DDX10: variants seen among roughly 807,000 people sequenced by gnomAD.
DDX10 encodes probable ATP-dependent RNA helicase DDX10.
DDX10 carries 74 observed loss-of-function variants against 104.3 expected under a neutral mutation model. That is an observed-to-expected ratio of 0.71 (90% confidence interval 0.59 to 0.86). The LOEUF (loss-of-function observed/expected upper bound fraction) is 0.86, where lower values mean the gene tolerates loss of function less well. DDX10 is among the 40% of genes least tolerant of loss of function. The pLI is 0.00. For synonymous variants in DDX10, 351 were observed against 353.4 expected (o/e 0.99, Z 0.08); for missense variants, 952 against 1,040.0 (o/e 0.92, Z 1.16).
intron 6 of DDX10, among the ~76,000 whole-genome samples, chr11:108,681,597 GAC>G (rs1413613780): frequency 2.0e-5 from 3 of 152,092 alleles, no homozygotes; most frequent in Admixed American, 6.5e-5. Flanking sequence ...AATTGTGAAG[GAC>G]ACAACAACTA....
intron 13 of DDX10, among the ~76,000 whole-genome samples, chr11:108,726,978 A>G (rs749127071): frequency 3.3e-5 from 5 of 152,036 alleles, no homozygotes; most frequent in Non-Finnish European, 5.9e-5. Context: ...ATTATGGTGT[A>G]TTGATTTCCC....
chr11:108,873,853 C>G (rs1646525434), intron 16 of DDX10, among the ~76,000 whole-genome samples: 1 of 152,162 alleles, frequency 6.6e-6, no homozygotes, highest in South Asian at 2.1e-4. Flanking sequence ...GACTGTAAAT[C>G]ACCAATCCCA....
At chr11:108,820,133 C>T (rs1255872756) in intron 13 of DDX10, among the ~76,000 whole-genome samples, 2 of 152,168 alleles carry the variant, frequency 1.3e-5, no homozygotes, top group African/African-American at 4.8e-5. Flanking sequence ...AAAATGCAGG[C>T]AGTTCCTCAA....
At chr11:108,861,188 C>T (rs1367996435) in intron 16 of DDX10, among the ~76,000 whole-genome samples, 1 of 151,764 alleles carries the variant, frequency 6.6e-6, no homozygotes, top group African/African-American at 2.4e-5. Flanking sequence ...ACTGGCCTAG[C>T]CTCCCAGGCT....
intron 4 of DDX10, among the ~76,000 whole-genome samples, chr11:108,677,890 T>C (rs2094228122): frequency 6.6e-6 from 1 of 152,056 alleles, no homozygotes; most frequent in East Asian, 1.9e-4. Flanking sequence ...GTGGTTCTTG[T>C]ATCAAGGAGA....
chr11:108,854,228 C>T (rs1862834874), intron 16 of DDX10, among the ~76,000 whole-genome samples: 1 of 152,136 alleles, frequency 6.6e-6, no homozygotes, highest in Admixed American at 6.5e-5. Context: ...TTTGAGGTAC[C>T]TTTTGGAAGC....
intron 16 of DDX10, among the ~76,000 whole-genome samples, chr11:108,853,517 C>T (rs550855203): frequency 7.9e-5 from 12 of 151,390 alleles, no homozygotes; most frequent in African/African-American, 2.7e-4. Flanking sequence ...ATTTTTTATA[C>T]TTATTGATGG....
intron 13 of DDX10, among the ~76,000 whole-genome samples, chr11:108,738,827 C>T (rs2094321426): frequency 6.6e-6 from 1 of 152,270 alleles, no homozygotes; most frequent in Non-Finnish European, 1.5e-5. Flanking sequence ...TGCTGGACAA[C>T]TCATGGCACA....
chr11:108,840,916 G>A (rs561221172), intron 14 of DDX10, among the ~76,000 whole-genome samples: 1 of 152,256 alleles, frequency 6.6e-6, no homozygotes, highest in East Asian at 1.9e-4. Context: ...AACACACTGG[G>A]TACCATGGAA....
chr11:108,839,264 C>T (rs537923359), intron 14 of DDX10, among the ~76,000 whole-genome samples: 2 of 152,096 alleles, frequency 1.3e-5, no homozygotes, highest in Non-Finnish European at 2.9e-5. Flanking sequence ...TTCTCACCAG[C>T]GCAGGTTTTC....
chr11:108,877,156 T>G (rs1015279489), intron 16 of DDX10, among the ~76,000 whole-genome samples: 3 of 152,216 alleles, frequency 2.0e-5, no homozygotes, highest in African/African-American at 7.2e-5. Context: ...GAAATCCTCG[T>G]TGTCTTGTGG....
intron 15 of DDX10, among the ~76,000 whole-genome samples, chr11:108,847,098 C>G (rs916254861): frequency 1.4e-4 from 22 of 152,152 alleles, no homozygotes; most frequent in Admixed American, 1.3e-3. Flanking sequence ...TTTTTATTTT[C>G]TCTTTAGAAC....
intron 6 of DDX10, among the ~76,000 whole-genome samples, chr11:108,684,901 T>C (rs574745396): frequency 0.017 from 2,372 of 143,348 alleles, 70 homozygotes; most frequent in African/African-American, 0.059. Context: ...TTCTAACTGG[T>C]GTGAGATGAT....
At chr11:108,911,471 C>G (rs919604323) in intron 16 of DDX10, among the ~76,000 whole-genome samples, 1 of 150,560 alleles carries the variant, frequency 6.6e-6, no homozygotes, top group African/African-American at 2.4e-5. Context: ...CAAGTTTCCT[C>G]AGACCTCTTG....
intron 13 of DDX10, among the ~76,000 whole-genome samples, chr11:108,741,185 C>T (rs937181058): frequency 3.9e-5 from 6 of 152,018 alleles, no homozygotes; most frequent in Non-Finnish European, 7.4e-5. Flanking sequence ...GTACTAGTAC[C>T]ATGCTGTTTT....
At chr11:108,875,796 GGTTACC>G (rs1320865227) in intron 16 of DDX10, among the ~76,000 whole-genome samples, 1 of 152,106 alleles carries the variant, frequency 6.6e-6, no homozygotes, top group African/African-American at 2.4e-5. Context: ...ATAAGGAGGT[GGTTACC>G]GTTGCACTAG....
At chr11:108,726,919 C>G (rs2094306044) in intron 13 of DDX10, among the ~76,000 whole-genome samples, 1 of 151,962 alleles carries the variant, frequency 6.6e-6, no homozygotes, top group Admixed American at 6.6e-5. Context: ...GTGTCAGATG[C>G]TTTTTCTGTA....
At position 108,726,669 on chromosome 11, in the gene DDX10, T is replaced by C. The variant is rs534542609; in HGVS notation, c.1965+3207T>C. 3.9e-5 allele frequency among the ~76,000 whole-genome samples: 6 copies of C among 152,164 alleles called. No homozygotes were observed. The South Asian group carries it at 1.2e-3, about 32-fold the overall frequency. On this transcript the variant is annotated intron_variant, in intron 13 of 17. Transcript: ENST00000322536. ...CTTCCTTTTTCATCTGTGGACCATA[T>C]ATTTCTTTTTTCTTTCTTTTTCTTT...
At chr11:108,892,284 T>C (rs909148652) in intron 16 of DDX10, among the ~76,000 whole-genome samples, 3 of 152,142 alleles carry the variant, frequency 2.0e-5, no homozygotes, top group African/African-American at 7.2e-5. Context: ...CCCTCCCTCT[T>C]TCTCTGGCCT....
Sources: allele counts gnomAD v4.1 joint callset (sites outside exome capture counted in the v4.1 genomes callset), GRCh38; gene constraint gnomAD v4.1.1; transcripts MANE v1.5; gene names NCBI Gene and HGNC (gene_info 2026-07-23, HGNC 2026-07-21).